The following DAB1 variants were observed in gnomAD, a reference collection of about 807,000 sequenced individuals.
DAB1 encodes disabled homolog 1.
Under a neutral mutation model 64.6 loss-of-function variants are expected in DAB1, and 15 were observed. The ratio of observed to expected loss-of-function variants is 0.23; its 90% confidence interval spans 0.16 to 0.36. The LOEUF (loss-of-function observed/expected upper bound fraction) is 0.36. Ranked by LOEUF, DAB1 falls within the 10% of genes least tolerant of loss-of-function variation. DAB1 has a pLI of 1.00. For synonymous variants in DAB1, 235 were observed against 251.9 expected, an observed-to-expected ratio of 0.93 and a Z score of 0.64; for missense variants, 596 against 706.7, an observed-to-expected ratio of 0.84 and a Z score of 1.78.
intron 3 of DAB1, among the ~76,000 whole-genome samples, chr1:58,383,471 T>G (rs1213583126): frequency 6.6e-6 from 1 of 152,230 alleles, no homozygotes; most frequent in Admixed American, 6.5e-5. Flanking sequence ...TTTTCTGGCT[T>G]GCATGGCTTT....
At chr1:57,931,900 A>G (rs1434572773) in intron 5 of DAB1, among the ~76,000 whole-genome samples, 1 of 151,510 alleles carries the variant, frequency 6.6e-6, no homozygotes, top group Admixed American at 6.6e-5. Flanking sequence ...TTTGGCTTTA[A>G]TTTTATTTCC....
chr1:58,063,414 C>T (rs1336788039), intron 5 of DAB1, among the ~76,000 whole-genome samples: 3 of 152,160 alleles, frequency 2.0e-5, no homozygotes, highest in Non-Finnish European at 2.9e-5. Flanking sequence ...AACAACCTTT[C>T]AGAGAGGACT....
intron 3 of DAB1, among the ~76,000 whole-genome samples, chr1:58,388,032 G>C (rs907711292): frequency 2.0e-5 from 3 of 151,986 alleles, no homozygotes; most frequent in Non-Finnish European, 4.4e-5. Flanking sequence ...TGGCCAGGAG[G>C]GCATCTTAAG....
At chr1:58,324,945 G>C (rs1232026987) in intron 4 of DAB1, among the ~76,000 whole-genome samples, 1 of 152,190 alleles carries the variant, frequency 6.6e-6, no homozygotes. Flanking sequence ...CTGTGCTATG[G>C]ACACCACCAA....
At chr1:58,190,406 T>A (rs1282182140) in intron 4 of DAB1, among the ~76,000 whole-genome samples, 1 of 152,154 alleles carries the variant, frequency 6.6e-6, no homozygotes, top group Non-Finnish European at 1.5e-5. Flanking sequence ...GTCCAGCCTA[T>A]CCCCACTTCT....
intron 7 of DAB1, among the ~76,000 whole-genome samples, chr1:57,587,389 C>G (rs1459866017): frequency 6.6e-6 from 1 of 152,128 alleles, no homozygotes; most frequent in East Asian, 1.9e-4. Flanking sequence ...GTAATTTATT[C>G]TCACAAAAAC....
intron 1 of DAB1, among the ~76,000 whole-genome samples, chr1:57,407,858 G>A (rs1463021920): frequency 1.3e-5 from 2 of 152,016 alleles, no homozygotes; most frequent in African/African-American, 2.4e-5. Context: ...CACTGCTAGA[G>A]TGTGGATTTA....
chr1:57,651,840 A>C (rs1646260003), intron 6 of DAB1, among the ~76,000 whole-genome samples: 1 of 152,206 alleles, frequency 6.6e-6, no homozygotes, highest in African/African-American at 2.4e-5. Context: ...ATTTGTTGTT[A>C]GTGAAACCAT....
intron 1 of DAB1, among the ~76,000 whole-genome samples, chr1:57,356,050 A>G (rs2100877940): frequency 6.6e-6 from 1 of 151,988 alleles, no homozygotes; most frequent in African/African-American, 2.4e-5. Flanking sequence ...TTTATTGTCT[A>G]TTTGCCTCCA....
intron 7 of DAB1, among the ~76,000 whole-genome samples, chr1:57,645,152 C>T (rs1646176943): frequency 6.6e-6 from 1 of 152,148 alleles, no homozygotes; most frequent in Non-Finnish European, 1.5e-5. Context: ...TCCTCCTATA[C>T]CTCCCAAGTC....
At chr1:57,997,020 T>G (rs1646435808) in intron 5 of DAB1, among the ~76,000 whole-genome samples, 1 of 152,040 alleles carries the variant, frequency 6.6e-6, no homozygotes, top group Non-Finnish European at 1.5e-5. Context: ...GGTCAGGTAG[T>G]TGTTAAACTA....
chr1:58,343,845 G>T (rs1643967007), intron 3 of DAB1, among the ~76,000 whole-genome samples: 1 of 152,106 alleles, frequency 6.6e-6, no homozygotes, highest in African/African-American at 2.4e-5. Context: ...TAAATACATG[G>T]GTTCTGACCA....
At chr1:57,009,110 A>G (rs1281849262) in intron 14 of DAB1, among the ~76,000 whole-genome samples, 5 of 152,318 alleles carry the variant, frequency 3.3e-5, no homozygotes, top group South Asian at 4.1e-4. Context: ...AAGAACTTCA[A>G]TTTTAGGATG....
chr1:57,359,774 G>A (rs1260677206), intron 1 of DAB1, among the ~76,000 whole-genome samples: 2 of 152,034 alleles, frequency 1.3e-5, no homozygotes, highest in Non-Finnish European at 2.9e-5. Flanking sequence ...ATGAAATCCT[G>A]CCATTTGTGA....
At chr1:57,931,678 T>G (rs1644954663) in intron 5 of DAB1, among the ~76,000 whole-genome samples, 1 of 152,336 alleles carries the variant, frequency 6.6e-6, no homozygotes, top group South Asian at 2.1e-4. Flanking sequence ...TTAATGTCCA[T>G]GGGATTCTAG....
intron 5 of DAB1, among the ~76,000 whole-genome samples, chr1:58,054,396 G>T (rs1159551972): frequency 6.6e-6 from 1 of 152,140 alleles, no homozygotes; most frequent in Non-Finnish European, 1.5e-5. Flanking sequence ...AGCTCCATAA[G>T]GCATCTCAGA....
chr1:57,185,520 C>A (rs1663453957), intron 2 of DAB1, among the ~76,000 whole-genome samples: 1 of 97,372 alleles, frequency 1.0e-5, no homozygotes, highest in Non-Finnish European at 2.0e-5. Context: ...CCTAGGCAAC[C>A]AAGACACAAG....
chr1:57,317,807 CTTAT>C (rs982575620), intron 1 of DAB1, among the ~76,000 whole-genome samples: 4 of 152,022 alleles, frequency 2.6e-5, no homozygotes, highest in Admixed American at 6.6e-5. Context: ...ATGAAGTTTT[CTTAT>C]TTATTTATTT....
At chr1:57,529,648 T>C (rs1212974626) in intron 7 of DAB1, among the ~76,000 whole-genome samples, 1 of 152,044 alleles carries the variant, frequency 6.6e-6, no homozygotes, top group Non-Finnish European at 1.5e-5. Flanking sequence ...ATAATAATAA[T>C]TAAAGAAAAG....
Sources: allele counts gnomAD v4.1 joint callset (sites outside exome capture counted in the v4.1 genomes callset), GRCh38; gene constraint gnomAD v4.1.1; transcripts MANE v1.5; gene names NCBI Gene and HGNC (gene_info 2026-07-23, HGNC 2026-07-21).